The following NRK variants were observed in gnomAD, a reference collection of about 807,000 sequenced individuals.
NRK encodes nik-related protein kinase.
In NRK, 67 loss-of-function variants were observed where a neutral mutation model predicts 125.2. The ratio of observed to expected loss-of-function variants is 0.54; its 90% CI spans 0.44 to 0.66. The LOEUF (loss-of-function observed/expected upper bound fraction) is 0.66, where lower values mean the gene tolerates loss of function less well. Ranked by LOEUF, NRK falls within the 30% of genes least tolerant of loss-of-function variation. The pLI is 0.00. For missense variants in NRK, 1,224 were observed against 1,192.9 expected (o/e 1.03, Z -0.38); for synonymous variants, 458 against 429.0 (o/e 1.07, Z -0.84).
At chrX:105,940,837 C>A (rs897558294) in intron 23 of NRK, among the ~76,000 whole-genome samples, 1 of 111,645 alleles carries the variant, frequency 9.0e-6, no homozygotes, top group African/African-American at 3.3e-5. Context: ...TGAGAAATAG[C>A]TGGAATCACA....
At position 105,822,927 on chromosome X, in the gene NRK, C is replaced by T. The variant is rs891542645; in HGVS notation, c.57+25C>T. On this transcript the variant is annotated intron_variant, in intron 1 of 28. Transcript: ENST00000243300. ...GGTGAGTAGAGGACGCCCGTCGCCCCCCGAAATGCTCTCTTTTGGCGGGTT... is the reference window on the plus strand; with the variant it reads ...GGTGAGTAGAGGACGCCCGTCGCCCTCCGAAATGCTCTCTTTTGGCGGGTT... 5.3e-6 allele frequency: 6 copies of T among 1,130,214 alleles called. No homozygotes were observed. In the African/African-American group the frequency reaches 1.1e-4, roughly 20 times the overall value. The allele number at this position is 1,130,214 out of a possible 1,213,427, so 93.1% of individuals were successfully genotyped here.
At chrX:105,885,408 G>A (rs184136096) in intron 4 of NRK, among the ~76,000 whole-genome samples, 1 of 111,908 alleles carries the variant, frequency 8.9e-6, no homozygotes, top group Non-Finnish European at 1.9e-5. Context: ...TTTAAGTTAG[G>A]ATCATAATAC....
intron 1 of NRK, among the ~76,000 whole-genome samples, chrX:105,825,058 T>C (rs758922743): frequency 1.7e-4 from 19 of 112,096 alleles, no homozygotes; most frequent in Non-Finnish European, 3.6e-4. Flanking sequence ...TAGCATGCCC[T>C]TTAGAATTTT....
Position 105,921,950 on chromosome X carries a change from T to C in NRK, c.2513-14T>C, listed in dbSNP as rs755709740. ...AATCACCATTGTTACTAATGTGTTTTTGGCATTCCATAGAATCTTCTTCTG... is the reference window on the plus strand; with the variant it reads ...AATCACCATTGTTACTAATGTGTTTCTGGCATTCCATAGAATCTTCTTCTG... On this transcript the variant is annotated splice_polypyrimidine_tract_variant and intron_variant, in intron 16 of 28. Coordinates refer to ENST00000243300, the MANE Select transcript of NRK (RefSeq NM_198465.4). 3.2e-6 allele frequency: 3 copies of C among 943,342 alleles called. No individual in the cohort carries two copies. The Admixed American group carries it at 6.9e-5, about 22-fold the overall frequency. 77.7% of individuals were successfully genotyped at this position (943,342 alleles called of 1,213,427 possible).
Position 105,923,385 on chromosome X carries a change from G to C in NRK, c.2878G>C (p.Asp960His). 1.7e-6 allele frequency: 2 copies of C among 1,158,846 alleles called. No individual in the cohort carries two copies. The highest frequency in any genetic ancestry group is 2.3e-4 in the Middle Eastern group (1 of 4,267). ...NGNDDLDNQV[D>H]QANDVCKDHD... Reference sequence around the variant, plus strand: ...CAATGATGACTTGGATAACCAGGTTGATCAGGCTAATGATGTTTGTAAAGA... The same window carrying C: ...CAATGATGACTTGGATAACCAGGTTCATCAGGCTAATGATGTTTGTAAAGA... Residue 960 changes from aspartate to histidine, a missense_variant, in exon 18 of 29, where the codon GAT (aspartate) becomes CAT (histidine). Physicochemically the swap from Asp to His is moderately conservative, Grantham distance 81 (BLOSUM62 -1). Transcript: ENST00000243300.
chrX:105,846,240 G>A (rs922342997), intron 2 of NRK, among the ~76,000 whole-genome samples: 4 of 111,650 alleles, frequency 3.6e-5, no homozygotes, highest in East Asian at 2.8e-4. Context: ...CAGAAAGACC[G>A]TTTGTGTCAT....
intron 19 of NRK, among the ~76,000 whole-genome samples, chrX:105,933,166 G>GTCTATCTATCTATCTA (rs145260404): frequency 8.9e-5 from 9 of 101,128 alleles, no homozygotes; most frequent in South Asian, 9.6e-4. Context: ...ATCTATGTCT[G>GTCTATCTATCTATCTA]TCTATCTATC....
intron 16 of NRK, among the ~76,000 whole-genome samples, chrX:105,920,575 A>T: frequency 9.1e-6 from 1 of 109,513 alleles, no homozygotes; most frequent in East Asian, 2.9e-4. Flanking sequence ...TTCCTTGAGC[A>T]GTGGTTTGTA....
Position 105,845,083 on chromosome X carries a change from C to T in NRK, c.123+13964C>T, listed in dbSNP as rs752719126. 3.6e-5 allele frequency among the ~76,000 whole-genome samples: 4 copies of T among 111,372 alleles called. No homozygotes were observed. In the South Asian group the frequency reaches 1.5e-3, roughly 42 times the overall value. On this transcript the variant is annotated intron_variant, in intron 2 of 28. Transcript: ENST00000243300. ...AGATTTAGTGCCTGAGGATGTGTCT[C>T]TAGGTTTATAGGGAAGCAAAAGCCA...
At chrX:105,842,069 T>C (rs908007547) in intron 2 of NRK, among the ~76,000 whole-genome samples, 6 of 111,270 alleles carry the variant, frequency 5.4e-5, no homozygotes, top group African/African-American at 1.6e-4. Flanking sequence ...TCAACAGATA[T>C]AAACCAAAGT....
At chrX:105,880,919 T>A (rs2039876908) in intron 3 of NRK, among the ~76,000 whole-genome samples, 1 of 111,483 alleles carries the variant, frequency 9.0e-6, no homozygotes, top group Non-Finnish European at 1.9e-5. Flanking sequence ...AAAATTTTAC[T>A]TCACTATACC....
intron 2 of NRK, among the ~76,000 whole-genome samples, chrX:105,856,475 T>A (rs2061721986): frequency 8.9e-6 from 1 of 111,994 alleles, no homozygotes; most frequent in South Asian, 3.7e-4. Context: ...TATTTTAGAA[T>A]CTTTATGGAT....
chrX:105,856,026 G>A (rs956377093), intron 2 of NRK, among the ~76,000 whole-genome samples: 17 of 110,833 alleles, frequency 1.5e-4, no homozygotes, highest in African/African-American at 4.3e-4. Context: ...TCCTGTAATC[G>A]TTCCTTCTTT....
At chrX:105,938,023 T>C (rs1029197394) in intron 22 of NRK, among the ~76,000 whole-genome samples, 3 of 111,622 alleles carry the variant, frequency 2.7e-5, no homozygotes, top group African/African-American at 9.8e-5. Context: ...CAGGTAGAGT[T>C]TGTAACAAGA....
intron 16 of NRK, among the ~76,000 whole-genome samples, chrX:105,920,362 G>A (rs1839356105): frequency 9.5e-6 from 1 of 105,098 alleles, no homozygotes; most frequent in Non-Finnish European, 1.9e-5. Flanking sequence ...GCTTAGGATT[G>A]ACTTGGCGAT....
chrX:105,908,324 A>G (rs1005467772), intron 12 of NRK, 21 bp downstream of exon 12: 1 of 839,768 alleles, frequency 1.2e-6, no homozygotes, highest in Non-Finnish European at 1.7e-6. Flanking sequence ...CAAATTGCAT[A>G]TATAATTTGA....
chrX:105,908,318 T>C lies in NRK; in HGVS notation c.1085+15T>C. The C allele has an allele frequency of 1.1e-6, 1 of 904,016 alleles. No individual in the cohort carries two copies. The highest frequency in any genetic ancestry group is 1.5e-6 in the Non-Finnish European group (1 of 656,981). The allele number at this position is 904,016 out of a possible 1,213,427, so 74.5% of individuals were successfully genotyped here. ...AGAAGATTCAGGTGCGTTCCACAAA[T>C]TGCATATATAATTTGATGATAGCAA... On this transcript the variant is annotated intron_variant, in intron 12 of 28. Transcript: ENST00000243300.
intron 23 of NRK, among the ~76,000 whole-genome samples, chrX:105,942,310 C>T (rs2040753843): frequency 9.0e-6 from 1 of 111,651 alleles, no homozygotes; most frequent in African/African-American, 3.3e-5. Context: ...TATCGTTACA[C>T]TGTTTTTCAA....
intron 2 of NRK, among the ~76,000 whole-genome samples, chrX:105,857,478 A>T (rs1305096323): frequency 8.9e-6 from 1 of 112,229 alleles, no homozygotes; most frequent in Non-Finnish European, 1.9e-5. Context: ...GCGAAACTGA[A>T]TTCAGTTGAA....
Sources: gnomAD v4.1 joint callset for allele counts (sites outside exome capture counted in the v4.1 genomes callset) on GRCh38, gnomAD v4.1.1 for gene constraint, MANE v1.5 for transcripts, NCBI Gene and HGNC (gene_info 2026-07-23, HGNC 2026-07-21) for gene names.